Variants in FRMD4A observed in about 807,000 individuals in gnomAD.
FRMD4A encodes the protein FERM domain-containing protein 4A.
A neutral mutation model predicts 129.1 loss-of-function variants in FRMD4A; 29 were observed. The ratio of observed to expected loss-of-function variants is 0.22; its 90% CI spans 0.17 to 0.31. FRMD4A has a LOEUF of 0.31. Ranked by LOEUF, FRMD4A falls within the 10% of genes least tolerant of loss-of-function variation. The pLI is 1.00. For missense variants in FRMD4A, 1,272 were observed against 1,375.8 expected (o/e 0.92, Z 1.19); for synonymous variants, 634 against 571.6 (o/e 1.11, Z -1.56).
chr10:14,259,630 C>T lies in FRMD4A; in HGVS notation c.45+70428G>A, dbSNP rs1589237282. On this transcript the variant is annotated intron_variant, in intron 2 of 24. Coordinates refer to ENST00000357447, the MANE Select transcript of FRMD4A (RefSeq NM_018027.5). ...TAATTTCTTCTATTTACTTTTTAAA[C>T]ATCAACCACAAATTTTTTAGTCAGA... 2.0e-5 allele frequency among the ~76,000 whole-genome samples: 3 copies of T among 152,270 alleles called. No homozygotes were observed. In the South Asian group the frequency reaches 6.2e-4, roughly 32 times the overall value.
chr10:14,157,368 T>G (rs1274815709), intron 2 of FRMD4A, among the ~76,000 whole-genome samples: 5 of 152,246 alleles, frequency 3.3e-5, no homozygotes, highest in Admixed American at 6.5e-5. Flanking sequence ...TATCATACTC[T>G]GAATACCACC....
chr10:14,061,204 T>C (rs1000556032), intron 2 of FRMD4A, among the ~76,000 whole-genome samples: 6 of 152,144 alleles, frequency 3.9e-5, no homozygotes, highest in African/African-American at 1.4e-4. Flanking sequence ...TTCCACAATT[T>C]GGAGGCCGAA....
At chr10:14,015,134 CTCCTTCCT>C in intron 2 of FRMD4A, among the ~76,000 whole-genome samples, 1 of 115,348 alleles carries the variant, frequency 8.7e-6, no homozygotes, top group East Asian at 3.0e-4. Context: ...TCTTCCCTTT[CTCCTTCCT>C]TCCTTCCTTT....
chr10:13,824,962 G>C (rs1442675549), intron 3 of FRMD4A, among the ~76,000 whole-genome samples: 2 of 151,566 alleles, frequency 1.3e-5, no homozygotes, highest in Non-Finnish European at 2.9e-5. Context: ...ATGTGTCTAG[G>C]TTATATGCAA....
chr10:13,657,084 C>G lies in FRMD4A; in HGVS notation c.2505G>C (p.Lys835Asn). The G allele has an allele frequency of 6.3e-7, 1 of 1,577,062 alleles. No homozygotes were observed. Among genetic ancestry groups the G allele is most frequent in the Non-Finnish European group, 8.6e-7 (1 of 1,167,906 alleles). Residue 835 changes from lysine to asparagine, a missense_variant, in exon 22 of 25, where the codon AAG (lysine) becomes AAC (asparagine). Around this residue, in one of 2 missense-constraint regions of FRMD4A, gnomAD observed 972 missense variants for 892.3 expected, o/e 1.09. Coordinates refer to ENST00000357447, the MANE Select transcript of FRMD4A (RefSeq NM_018027.5). ...QSQPSSQYRI[K>N]EYPLYIEGGA... ...CGCCCTCGATGTACAGCGGGTACTC[C>G]TTGATGCGGTACTGCGAGCTGGGCT...
intron 5 of FRMD4A, among the ~76,000 whole-genome samples, chr10:13,793,320 C>A (rs762707051): frequency 5.3e-5 from 8 of 152,046 alleles, no homozygotes; most frequent in Non-Finnish European, 1.0e-4. Context: ...TACAGGCATG[C>A]ACCATCATTC....
intron 2 of FRMD4A, among the ~76,000 whole-genome samples, chr10:14,050,680 A>G (rs1834214590): frequency 6.6e-6 from 1 of 152,134 alleles, no homozygotes; most frequent in South Asian, 2.1e-4. Flanking sequence ...TCCATCACTC[A>G]TGGCCAATGA....
In FRMD4A at chr10:13,845,847, C is replaced by T. The variant is rs543636811; in HGVS notation, c.111+13000G>A. Among the ~76,000 whole-genome samples, 57 of 152,266 alleles carry T rather than the reference C, an allele frequency of 3.7e-4. 1 individual carries two copies. The highest frequency in any genetic ancestry group is 1.3e-3 in the African/African-American group (55 of 41,568). On this transcript the variant is annotated intron_variant, in intron 3 of 24. Coordinates refer to ENST00000357447, the MANE Select transcript of FRMD4A (RefSeq NM_018027.5). Reference sequence around the variant, plus strand: ...GAGGTTGTGCAAATGGCCAAGGTCACGAAGCTGTCAAGCATCAGAGTCAGG... The same window carrying T: ...GAGGTTGTGCAAATGGCCAAGGTCATGAAGCTGTCAAGCATCAGAGTCAGG...
At chr10:13,984,097 T>G (rs2095572457) in intron 2 of FRMD4A, among the ~76,000 whole-genome samples, 1 of 152,062 alleles carries the variant, frequency 6.6e-6, no homozygotes, top group South Asian at 2.1e-4. Context: ...TGAGGGCCCC[T>G]TCCTGAGTCT....
chr10:14,162,982 T>A (rs1223289498), intron 2 of FRMD4A, among the ~76,000 whole-genome samples: 1 of 152,182 alleles, frequency 6.6e-6, no homozygotes, highest in African/African-American at 2.4e-5. Context: ...CACATTAAGT[T>A]TGAAAGTAAA....
At chr10:13,834,085 G>A (rs560223693) in intron 3 of FRMD4A, among the ~76,000 whole-genome samples, 22 of 152,234 alleles carry the variant, frequency 1.4e-4, no homozygotes, top group Admixed American at 1.0e-3. Flanking sequence ...CCAACATGGC[G>A]AAACCCTGTC....
In FRMD4A at chr10:14,137,256, C is replaced by T. The variant is rs190822842; in HGVS notation, c.45+192802G>A. On this transcript the variant is annotated intron_variant, in intron 2 of 24. Transcript: ENST00000357447. Reference sequence around the variant, plus strand: ...TCATCTTCCTCTGTGGGAATAACTCCCCCTTGCCCAGTGGAAGGATGCATC... The same window carrying T: ...TCATCTTCCTCTGTGGGAATAACTCTCCCTTGCCCAGTGGAAGGATGCATC... Among the ~76,000 whole-genome samples, 324 of 152,308 alleles carry T rather than the reference C, an allele frequency of 2.1e-3. 1 individual carries two copies. The highest frequency in any genetic ancestry group is 2.6e-3 in the Non-Finnish European group (177 of 68,036).
At position 13,707,680 on chromosome 10, in the gene FRMD4A, G is replaced by T; in HGVS notation, c.760-567C>A. 3.0e-6 allele frequency: 3 copies of T among 985,692 alleles called. No individual in the cohort carries two copies. The South Asian group carries it at 1.4e-4, about 46-fold the overall frequency. The allele number at this position is 985,692 out of a possible 1,614,324, so 61.1% of individuals were successfully genotyped here. A position where few individuals can be genotyped will look rare whatever the true frequency, so the allele number is the denominator to read the frequency against. On this transcript the variant is annotated intron_variant, in intron 12 of 24. Coordinates refer to ENST00000357447, the MANE Select transcript of FRMD4A (RefSeq NM_018027.5). ...AAGAGCCTTGCAAAGGGCGGAGGAG[G>T]CTGGGACCTTATTTCGGGGGCAGGC...
In FRMD4A at chr10:13,666,086, T is replaced by G. The variant is rs373416782; in HGVS notation, c.1603+11A>C. 3 of 1,555,524 alleles carry G rather than the reference T, an allele frequency of 1.9e-6. No individual in the cohort carries two copies. Among genetic ancestry groups the G allele is most frequent in the African/African-American group, 2.7e-5 (2 of 73,686 alleles). Reference sequence around the variant, plus strand: ...TGGGAGTGGGGTGGGGGCAGCCCGGTTGGCACTGACCGTCTATGATCAGCG... The same window carrying G: ...TGGGAGTGGGGTGGGGGCAGCCCGGGTGGCACTGACCGTCTATGATCAGCG... On this transcript the variant is annotated intron_variant, in intron 18 of 24. Coordinates refer to ENST00000357447, the MANE Select transcript of FRMD4A (RefSeq NM_018027.5).
At chr10:13,663,865 G>A (rs2082821619) in intron 18 of FRMD4A, among the ~76,000 whole-genome samples, 1 of 152,216 alleles carries the variant, frequency 6.6e-6, no homozygotes, top group South Asian at 2.1e-4. Context: ...GCGTGTACCA[G>A]CAAAACCAAA....
intron 2 of FRMD4A, among the ~76,000 whole-genome samples, chr10:14,261,546 C>T (rs1292315666): frequency 6.6e-6 from 1 of 152,212 alleles, no homozygotes; most frequent in East Asian, 1.9e-4. Flanking sequence ...AACTTCCCAA[C>T]AGCTGCTATT....
intron 16 of FRMD4A, 36 bp downstream of exon 16, chr10:13,674,875 C>T: frequency 6.2e-7 from 1 of 1,606,626 alleles, no homozygotes; most frequent in Non-Finnish European, 8.5e-7. Context: ...TCACAGACAA[C>T]ACCAATTTCA....
rs143631860 is a variant in FRMD4A at position 14,174,427 on chromosome 10, G to T, written c.45+155631C>A. ...ACAGTGATCTGTAACAACCCACAGG[G>T]CAGCTCATCCAGGGCAGGAGGCGAG... On this transcript the variant is annotated intron_variant, in intron 2 of 24. Transcript: ENST00000357447. Among the ~76,000 whole-genome samples, 84 of 152,294 alleles carry T rather than the reference G, an allele frequency of 5.5e-4. No individual in the cohort carries two copies. The East Asian group carries it at 0.012, about 21-fold the overall frequency.
intron 2 of FRMD4A, among the ~76,000 whole-genome samples, chr10:14,150,258 A>T (rs1297132570): frequency 1.3e-5 from 2 of 152,174 alleles, no homozygotes; most frequent in African/African-American, 2.4e-5. Context: ...TGATCCTAAA[A>T]GGAAGGAGAC....
Sources: gnomAD v4.1 joint callset for allele counts (sites outside exome capture counted in the v4.1 genomes callset) on GRCh38, gnomAD v4.1.1 for gene constraint, gnomAD v4.1.1 regional missense constraint, MANE v1.5 for transcripts, NCBI Gene and HGNC (gene_info 2026-07-23, HGNC 2026-07-21) for gene names.